The following TANGO6 variants were observed in gnomAD, a reference collection of about 807,000 sequenced individuals.
TANGO6 encodes transport and Golgi organization protein 6 homolog.
TANGO6 carries 90 observed loss-of-function variants against 114.2 expected under a neutral mutation model. The observed-to-expected ratio is 0.79, with a 90% CI of 0.66 to 0.94. The LOEUF is 0.94. Ranked by LOEUF, TANGO6 falls within the 40% of genes least tolerant of loss-of-function variation. The pLI is 0.00. For synonymous variants in TANGO6, 477 were observed against 509.8 expected (o/e 0.94, Z 0.87); for missense variants, 1,274 against 1,315.3 (o/e 0.97, Z 0.49).
At chr16:68,928,122 T>TGG (rs1271378264) in intron 13 of TANGO6, 39 bp downstream of exon 13, 2 of 1,506,828 alleles carry the variant, frequency 1.3e-6, no homozygotes, top group African/African-American at 2.8e-5. Flanking sequence ...GGGCACAGGG[T>TGG]GGGGCATTCA....
intron 16 of TANGO6, among the ~76,000 whole-genome samples, chr16:69,031,635 T>C (rs1201173797): frequency 1.3e-5 from 2 of 151,588 alleles, no homozygotes; most frequent in Non-Finnish European, 2.9e-5. Flanking sequence ...TTGTCTCAGA[T>C]GGACGGGAAA....
rs990661718 is a variant in TANGO6 at position 68,843,566 on chromosome 16, C to G, written c.-52C>G. ...GCCACACTTAACATGGCGGCGGCGGCGCCCTGCCGAGGCGCCTGAGCGGGT... is the reference window on the plus strand; with the variant it reads ...GCCACACTTAACATGGCGGCGGCGGGGCCCTGCCGAGGCGCCTGAGCGGGT... On this transcript the variant is annotated 5_prime_UTR_variant, in exon 1 of 18. Transcript: ENST00000261778. 5 of 1,561,514 alleles carry G rather than the reference C, an allele frequency of 3.2e-6. No homozygotes were observed. The East Asian group carries it at 6.8e-5, about 21-fold the overall frequency.
chr16:68,949,745 A>G (rs1446402244), intron 14 of TANGO6, among the ~76,000 whole-genome samples: 4 of 152,276 alleles, frequency 2.6e-5, no homozygotes, highest in African/African-American at 9.6e-5. Context: ...TCAAAAGGTT[A>G]AACATGGTTA....
intron 15 of TANGO6, among the ~76,000 whole-genome samples, chr16:68,990,581 A>G (rs1963938103): frequency 6.6e-6 from 1 of 152,130 alleles, no homozygotes; most frequent in East Asian, 1.9e-4. Flanking sequence ...ATTTGTTTGT[A>G]TATTTCGTAG....
intron 11 of TANGO6, among the ~76,000 whole-genome samples, chr16:68,911,635 T>G (rs1053286010): frequency 2.0e-5 from 3 of 152,160 alleles, no homozygotes; most frequent in African/African-American, 7.2e-5. Context: ...CAGGTTGGTC[T>G]TGAACTCCTG....
chr16:68,848,397 G>T (rs149267015), intron 1 of TANGO6, among the ~76,000 whole-genome samples: 104 of 152,028 alleles, frequency 6.8e-4, no homozygotes, highest in Middle Eastern at 6.8e-3. Flanking sequence ...TCACTACCCA[G>T]AGGGTACCAC....
At chr16:69,034,044 A>ACC (rs1959646722) in intron 16 of TANGO6, 1 of 152,958 alleles carries the variant, frequency 6.5e-6, no homozygotes, top group Non-Finnish European at 1.5e-5. Flanking sequence ...ACTGTTAGGG[A>ACC]CTATGATGGC....
At chr16:69,082,735 C>T (rs1423856185) in intron 17 of TANGO6, among the ~76,000 whole-genome samples, 4 of 151,594 alleles carry the variant, frequency 2.6e-5, no homozygotes, top group African/African-American at 9.7e-5. Context: ...CAGAGTGAGA[C>T]TCCGTCTCAA....
intron 15 of TANGO6, among the ~76,000 whole-genome samples, chr16:69,010,231 G>T (rs1034538190): frequency 2.0e-5 from 3 of 152,086 alleles, no homozygotes; most frequent in African/African-American, 7.2e-5. Context: ...CCAGAGTAAT[G>T]TTATGCTAAA....
intron 14 of TANGO6, among the ~76,000 whole-genome samples, chr16:68,943,811 C>G (rs923684231): frequency 2.6e-5 from 4 of 152,060 alleles, no homozygotes; most frequent in African/African-American, 9.7e-5. Context: ...AGAAACAGCA[C>G]GAAGGTCAAA....
chr16:69,021,223 C>A (rs369793199), intron 15 of TANGO6, among the ~76,000 whole-genome samples: 29 of 152,252 alleles, frequency 1.9e-4, no homozygotes, highest in Admixed American at 1.6e-3. Flanking sequence ...GCCCTTACTT[C>A]TCTAGCCTCA....
chr16:68,945,511 A>T (rs1026671776), intron 14 of TANGO6, among the ~76,000 whole-genome samples: 15 of 152,170 alleles, frequency 9.9e-5, no homozygotes, highest in Admixed American at 9.8e-4. Flanking sequence ...GGTGGGTATG[A>T]CAAAAATGAC....
intron 17 of TANGO6, among the ~76,000 whole-genome samples, chr16:69,060,677 A>G (rs1310284730): frequency 6.6e-6 from 1 of 151,984 alleles, no homozygotes; most frequent in African/African-American, 2.4e-5. Flanking sequence ...GCAATAAATG[A>G]CTTTTTAGAT....
intron 17 of TANGO6, among the ~76,000 whole-genome samples, chr16:69,041,622 G>A (rs1334173768): frequency 6.6e-6 from 1 of 152,058 alleles, no homozygotes; most frequent in East Asian, 1.9e-4. Context: ...ACTTGCTGTT[G>A]TTGCACCTCA....
intron 15 of TANGO6, among the ~76,000 whole-genome samples, chr16:68,983,122 C>T (rs1963855787): frequency 6.6e-6 from 1 of 151,950 alleles, no homozygotes; most frequent in Non-Finnish European, 1.5e-5. Flanking sequence ...AGTACTGGAA[C>T]TACAGGCGTG....
intron 15 of TANGO6, among the ~76,000 whole-genome samples, chr16:69,019,085 C>T (rs1959357105): frequency 1.3e-5 from 2 of 152,126 alleles, no homozygotes; most frequent in African/African-American, 4.8e-5. Flanking sequence ...CTGTCATGTT[C>T]ATTTTAATCA....
intron 15 of TANGO6, among the ~76,000 whole-genome samples, chr16:69,004,967 G>C (rs1218968062): frequency 6.6e-6 from 1 of 152,128 alleles, no homozygotes; most frequent in Admixed American, 6.5e-5. Context: ...ATTCCCCTAG[G>C]GTGGGACTCT....
chr16:69,082,106 CCCA>C (rs1597084062), intron 17 of TANGO6, among the ~76,000 whole-genome samples: 1 of 152,260 alleles, frequency 6.6e-6, no homozygotes, highest in East Asian at 1.9e-4. Flanking sequence ...GCCTCATCCT[CCCA>C]AGTAGCTGGG....
chr16:68,991,130 T>A (rs1333445798), intron 15 of TANGO6, among the ~76,000 whole-genome samples: 1 of 152,198 alleles, frequency 6.6e-6, no homozygotes, highest in Non-Finnish European at 1.5e-5. Flanking sequence ...GTTGAGGCTG[T>A]GTTGGGTACC....
Sources: allele counts gnomAD v4.1 joint callset (sites outside exome capture counted in the v4.1 genomes callset), GRCh38; gene constraint gnomAD v4.1.1; transcripts MANE v1.5; gene names NCBI Gene and HGNC (gene_info 2026-07-23, HGNC 2026-07-21).